Variants in TRIP11 observed in about 807,000 individuals in gnomAD.
TRIP11 encodes thyroid hormone receptor interactor 11, also known as thyroid receptor-interacting protein 11.
Under a neutral mutation model 223.1 loss-of-function variants are expected in TRIP11, and 148 were observed. The observed-to-expected ratio is 0.66, with a 90% confidence interval of 0.58 to 0.76. The LOEUF (loss-of-function observed/expected upper bound fraction) is 0.76. Among genes scored for constraint, TRIP11 ranks in the 30% least tolerant of loss-of-function variants. The probability of loss-of-function intolerance (pLI) is 0.00; values close to 1 mark genes in which losing one functional copy is unlikely to be tolerated. For synonymous variants in TRIP11, 762 were observed against 772.6 expected, an observed-to-expected ratio of 0.99 and a Z score of 0.23; for missense variants, 2,043 against 2,222.0, an observed-to-expected ratio of 0.92 and a Z score of 1.62.
intron 20 of TRIP11, among the ~76,000 whole-genome samples, chr14:91,972,083 G>A (rs1490660121): frequency 6.6e-6 from 1 of 152,146 alleles, no homozygotes; most frequent in African/African-American, 2.4e-5. Context: ...TTGCGTGCCA[G>A]TATATATGAT....
chr14:92,010,735 C>G (rs1216516790), intron 9 of TRIP11, among the ~76,000 whole-genome samples: 1 of 151,826 alleles, frequency 6.6e-6, no homozygotes, highest in African/African-American at 2.4e-5. Context: ...CAAAACAGGA[C>G]CTCCACCTAT....
chr14:92,021,719 G>A lies in TRIP11; in HGVS notation c.425C>T (p.Ala142Val), dbSNP rs766014867. 12 of 1,614,014 alleles carry A rather than the reference G, an allele frequency of 7.4e-6. No homozygotes were observed. The highest frequency in any genetic ancestry group is 1.6e-4 in the Middle Eastern group (1 of 6,084). ...PSGAGVPATTASSSFAYGISH... is the reference protein window; with the variant it reads ...PSGAGVPATTVSSSFAYGISH... Reference sequence around the variant, plus strand: ...AATCCCATAAGCGAATGAAGATGATGCAGTGGTTGCTGGTACACCAGCTCC... The same window carrying A: ...AATCCCATAAGCGAATGAAGATGATACAGTGGTTGCTGGTACACCAGCTCC... Residue 142 changes from alanine to valine, a missense_variant, in exon 4 of 21, where the codon GCA becomes GTA. Coordinates refer to ENST00000267622, the MANE Select transcript of TRIP11 (RefSeq NM_004239.4).
intron 1 of TRIP11, among the ~76,000 whole-genome samples, chr14:92,034,358 G>T (rs144635142): frequency 6.6e-6 from 1 of 151,766 alleles, no homozygotes; most frequent in Non-Finnish European, 1.5e-5. Flanking sequence ...GGGAGGTGGA[G>T]GTTGCAGTGA....
intron 4 of TRIP11, among the ~76,000 whole-genome samples, chr14:92,021,333 G>T (rs765472377): frequency 2.0e-5 from 3 of 149,456 alleles, no homozygotes; most frequent in Non-Finnish European, 4.4e-5. Flanking sequence ...AGGCTGCAGT[G>T]AGCCAAGATC....
chr14:91,996,596 C>T (rs951561286), intron 13 of TRIP11, among the ~76,000 whole-genome samples: 2 of 152,182 alleles, frequency 1.3e-5, no homozygotes, highest in African/African-American at 4.8e-5. Flanking sequence ...AATTTTTGTG[C>T]TTCCAGGCTA....
chr14:91,979,257 CAAA>C (rs558337126), intron 16 of TRIP11, among the ~76,000 whole-genome samples: 3 of 102,870 alleles, frequency 2.9e-5, no homozygotes, highest in Admixed American at 1.2e-4. Context: ...ACCCTGTCTC[CAAA>C]AAAAAAAAAA....
At chr14:92,033,098 G>A in intron 2 of TRIP11, 94 bp downstream of exon 2, 1 of 938,372 alleles carries the variant, frequency 1.1e-6, no homozygotes, top group Non-Finnish European at 1.7e-6. Flanking sequence ...AAAGTGCTAA[G>A]CAGTACATTT....
intron 15 of TRIP11, among the ~76,000 whole-genome samples, chr14:91,992,688 T>C (rs571105938): frequency 1.4e-4 from 22 of 152,034 alleles, no homozygotes; most frequent in Admixed American, 1.3e-3. Context: ...GGCGGGCGGA[T>C]CACGAGGTCA....
rs146451603 is a variant in TRIP11, at chr14:91,997,879, T to C, written c.4892+1361A>G. On this transcript the variant is annotated intron_variant, in intron 13 of 20. Transcript: ENST00000267622. ...AAAAATAAATGAAAAGTGCAGAGAC[T>C]AGAAACTATTTTAATTAAGAGAAAA... 6.3e-3 allele frequency among the ~76,000 whole-genome samples: 966 copies of C among 152,252 alleles called. 11 individuals carry two copies. Among genetic ancestry groups the C allele is most frequent in the African/African-American group, 0.022 (904 of 41,552 alleles).
rs111335604 is a variant in TRIP11 at position 91,969,427 on chromosome 14, T to C, written c.*246A>G. The C allele has an allele frequency of 8.0e-3, 4,024 of 504,252 alleles. 94 individuals are homozygous for C. Among genetic ancestry groups the C allele is most frequent in the South Asian group, 0.035 (1,338 of 38,396 alleles). 31.2% of individuals were successfully genotyped at this position (504,252 alleles called of 1,614,324 possible). A position where few individuals can be genotyped will look rare whatever the true frequency, so the allele number is the denominator to read the frequency against. ...TATTTTTGTAAATTAAGGTAAAAGA[T>C]AAATTAAATGTTCCTAGCTTAAATT... On this transcript the variant is annotated 3_prime_UTR_variant, in exon 21 of 21. Coordinates refer to ENST00000267622, the MANE Select transcript of TRIP11 (RefSeq NM_004239.4).
At chr14:92,012,380 G>C (rs1409133462) in intron 7 of TRIP11, among the ~76,000 whole-genome samples, 1 of 152,224 alleles carries the variant, frequency 6.6e-6, no homozygotes, top group African/African-American at 2.4e-5. Context: ...TATGAGGCCA[G>C]GTGCTAGACA....
At chr14:91,975,464 T>A (rs1465817995) in intron 17 of TRIP11, among the ~76,000 whole-genome samples, 178 bp from the exon 18 acceptor site, 2 of 152,024 alleles carry the variant, frequency 1.3e-5, no homozygotes, top group East Asian at 1.9e-4. Context: ...TCAAAAAAAA[T>A]AAAATAAAAA....
rs761939508 is a variant in TRIP11 at position 92,005,248 on chromosome 14, C to G, written c.2728G>C (p.Glu910Gln). ...ATCTTTTGATGATGTTTAATTTCCT[C>G]TTCAAGATGTTCCTTGATCGTGTTC... ...QLNTIKEHLE[E>Q]EIKHHQKIIE... The change falls in exon 11 of 21, where the codon GAG becomes CAG. Residue 910 changes from glutamate to glutamine, a missense_variant. Transcript: ENST00000267622. 1.9e-6 allele frequency: 3 copies of G among 1,614,152 alleles called. No individual in the cohort carries two copies. In the South Asian group the frequency reaches 3.3e-5, roughly 18 times the overall value.
chr14:91,988,732 G>T (rs1381312313), intron 15 of TRIP11, among the ~76,000 whole-genome samples: 1 of 150,250 alleles, frequency 6.7e-6, no homozygotes, highest in East Asian at 1.9e-4. Flanking sequence ...TTTCATTTTT[G>T]AAAGTCTAAT....
At chr14:92,035,744 A>G (rs1464547251) in intron 1 of TRIP11, among the ~76,000 whole-genome samples, 1 of 151,734 alleles carries the variant, frequency 6.6e-6, no homozygotes, top group African/African-American at 2.4e-5. Flanking sequence ...TGCCCGGCTA[A>G]TTTTTGTATT....
In TRIP11 at chr14:91,981,007, TATATA is replaced by T. The variant is rs202062988; in HGVS notation, c.5261-4823_5261-4819del. ...TATGTATATTATATATATATATATA[TATATA>T]TTTTTTTTTTTTTTTTTTTTTTTTG... On this transcript the variant is annotated intron_variant, in intron 16 of 20. Coordinates refer to ENST00000267622, the MANE Select transcript of TRIP11 (RefSeq NM_004239.4). Among the ~76,000 whole-genome samples, 559 of 72,816 alleles carry T rather than the reference TATATA, an allele frequency of 7.7e-3. 9 individuals are homozygous for T. The highest frequency in any genetic ancestry group is 0.033 in the African/African-American group (500 of 15,382). 47.8% of individuals were successfully genotyped at this position (72,816 alleles called of 152,430 possible).
chr14:91,997,683 A>G (rs1008426312), intron 13 of TRIP11, among the ~76,000 whole-genome samples: 2 of 152,068 alleles, frequency 1.3e-5, no homozygotes, highest in African/African-American at 4.8e-5. Context: ...ACAGGAAAAC[A>G]GTGGCTCTGA....
At chr14:92,021,470 A>T in intron 4 of TRIP11, 86 bp downstream of exon 4, 1 of 1,336,732 alleles carries the variant, frequency 7.5e-7, no homozygotes, top group South Asian at 1.3e-5. Flanking sequence ...GTTCTTTCTG[A>T]TATCAAAAGC....
chr14:92,014,023 T>C (rs1302434730), intron 7 of TRIP11, among the ~76,000 whole-genome samples, 192 bp downstream of exon 7: 1 of 152,228 alleles, frequency 6.6e-6, no homozygotes, highest in Non-Finnish European at 1.5e-5. Context: ...TCCTTTTTAA[T>C]AGGAAATTCC....
Sources: gnomAD v4.1 joint callset for allele counts (sites outside exome capture counted in the v4.1 genomes callset) on GRCh38, gnomAD v4.1.1 for gene constraint, MANE v1.5 for transcripts, NCBI Gene and HGNC (gene_info 2026-07-23, HGNC 2026-07-21) for gene names.